SLC24A3: variants seen among roughly 807,000 people sequenced by gnomAD.
SLC24A3 encodes solute carrier family 24 member 3, also known as sodium/potassium/calcium exchanger 3.
A neutral mutation model predicts 75.8 loss-of-function variants in SLC24A3; 28 were observed. The observed-to-expected ratio is 0.37, with a 90% CI of 0.27 to 0.51. The LOEUF is 0.51. Among genes scored for constraint, SLC24A3 ranks in the 20% least tolerant of loss-of-function variants. The probability of loss-of-function intolerance (pLI) is 0.94; values close to 1 mark genes in which losing one functional copy is unlikely to be tolerated. For synonymous variants in SLC24A3, 372 were observed against 334.1 expected (o/e 1.11, Z -1.24); for missense variants, 663 against 847.8 (o/e 0.78, Z 2.71).
intron 2 of SLC24A3, among the ~76,000 whole-genome samples, chr20:19,422,754 C>G (rs1986938033): frequency 6.6e-6 from 1 of 152,178 alleles, no homozygotes; most frequent in Non-Finnish European, 1.5e-5. Context: ...AAGCAGGAAG[C>G]TTCTATTGCA....
At chr20:19,258,911 C>T (rs564239730) in intron 1 of SLC24A3, among the ~76,000 whole-genome samples, 1 of 152,162 alleles carries the variant, frequency 6.6e-6, no homozygotes, top group African/African-American at 2.4e-5. Flanking sequence ...GCATTCAGGC[C>T]CTATCTCCTT....
chr20:19,239,278 C>T (rs1227193469), intron 1 of SLC24A3, among the ~76,000 whole-genome samples: 1 of 152,136 alleles, frequency 6.6e-6, no homozygotes, highest in Non-Finnish European at 1.5e-5. Context: ...AGAAGCAGCC[C>T]CAGTACCCTC....
At chr20:19,432,274 A>ATATATATATATATATATAAGAT (rs1987117447) in intron 2 of SLC24A3, among the ~76,000 whole-genome samples, 1 of 39,992 alleles carries the variant, frequency 2.5e-5, no homozygotes, top group South Asian at 9.2e-4. Flanking sequence ...TATCTGTTTT[A>ATATATATATATATATATAAGAT]TATATATATA....
intron 1 of SLC24A3, among the ~76,000 whole-genome samples, chr20:19,262,261 C>T (rs1183884429): frequency 6.6e-5 from 10 of 151,482 alleles, no homozygotes; most frequent in East Asian, 1.9e-4. Context: ...AAAAATTAGC[C>T]GGGCGTGGTG....
chr20:19,685,003 G>A lies in SLC24A3; in HGVS notation c.1063-97G>A, dbSNP rs145210358. 7.6e-4 allele frequency: 1,110 copies of A among 1,451,764 alleles called. 14 individuals are homozygous for A. In the African/African-American group the frequency reaches 0.013, roughly 17 times the overall value. The allele number at this position is 1,451,764 out of a possible 1,614,324, so 89.9% of individuals were successfully genotyped here. A position where few individuals can be genotyped will look rare whatever the true frequency, so the allele number is the denominator to read the frequency against. ...CTCCAGGGTCTTCTGGAAGCATATC[G>A]TCAGCTGCCAGGGAAAGATCCCAAC... On this transcript the variant is annotated intron_variant, in intron 11 of 16. Transcript: ENST00000328041.
Position 19,370,204 on chromosome 20 carries a change from A to G in SLC24A3, c.271+89117A>G, listed in dbSNP as rs61357538. Among the ~76,000 whole-genome samples the G allele has an allele frequency of 6.9e-3, 1,045 of 152,334 alleles. 12 individuals are homozygous for G. Among genetic ancestry groups the G allele is most frequent in the African/African-American group, 0.023 (959 of 41,574 alleles). ...AGTGGCTACTTTGAAATTCCAGAGT[A>G]TCCCTGATCTAAGCATATTAATTGT... On this transcript the variant is annotated intron_variant, in intron 2 of 16. Transcript: ENST00000328041.
chr20:19,405,319 T>G (rs1202773037), intron 2 of SLC24A3, among the ~76,000 whole-genome samples: 8 of 152,168 alleles, frequency 5.3e-5, no homozygotes, highest in Non-Finnish European at 7.3e-5. Flanking sequence ...AGCAGCTCTT[T>G]GAGAAAACCA....
At chr20:19,325,840 G>GAGT (rs1568589959) in intron 2 of SLC24A3, among the ~76,000 whole-genome samples, 1 of 43,212 alleles carries the variant, frequency 2.3e-5, no homozygotes, top group Non-Finnish European at 4.0e-5. Flanking sequence ...AGAGAGAGAG[G>GAGT]GAGACATCTG....
rs544261444 is a variant in SLC24A3 at position 19,244,771 on chromosome 20, T to C, written c.142+31787T>C. Among the ~76,000 whole-genome samples the C allele has an allele frequency of 9.6e-4, 146 of 152,308 alleles. 1 individual carries two copies. Among genetic ancestry groups the C allele is most frequent in the South Asian group, 4.1e-3 (20 of 4,824 alleles). On this transcript the variant is annotated intron_variant, in intron 1 of 16. Coordinates refer to ENST00000328041, the MANE Select transcript of SLC24A3 (RefSeq NM_020689.4). ...AGACAAGATAACCTGAAAATCCTCCTGATCCAAAACAACAGGAAATGCTGG... is the reference window on the plus strand; with the variant it reads ...AGACAAGATAACCTGAAAATCCTCCCGATCCAAAACAACAGGAAATGCTGG...
chr20:19,692,118 A>G (rs1032097638), intron 12 of SLC24A3, among the ~76,000 whole-genome samples: 1 of 152,266 alleles, frequency 6.6e-6, no homozygotes, highest in Non-Finnish European at 1.5e-5. Context: ...AAAATTATAA[A>G]ATACATTTTA....
At chr20:19,658,334 C>T (rs533206176) in intron 7 of SLC24A3, among the ~76,000 whole-genome samples, 1 of 152,230 alleles carries the variant, frequency 6.6e-6, no homozygotes, top group South Asian at 2.1e-4. Flanking sequence ...TCAGCTGATG[C>T]GGGCGGGGCA....
intron 5 of SLC24A3, 31 bp from the exon 6 acceptor site, chr20:19,585,410 C>G (rs774905047): frequency 8.5e-5 from 137 of 1,606,144 alleles, no homozygotes; most frequent in Non-Finnish European, 1.1e-4. Flanking sequence ...AGGGCCACAA[C>G]AGCCAGGCTG....
At chr20:19,425,713 G>A (rs1013058209) in intron 2 of SLC24A3, among the ~76,000 whole-genome samples, 1 of 152,136 alleles carries the variant, frequency 6.6e-6, no homozygotes, top group Non-Finnish European at 1.5e-5. Flanking sequence ...AGCTTGACAT[G>A]CTTCTCTGAA....
chr20:19,383,547 C>T (rs16980472), intron 2 of SLC24A3, among the ~76,000 whole-genome samples: 1,977 of 152,254 alleles, frequency 0.013, 46 homozygotes, highest in African/African-American at 0.042. Flanking sequence ...TTCTGCCTGT[C>T]GTGCTTGACC....
At chr20:19,498,245 T>C (rs1359663355) in intron 2 of SLC24A3, among the ~76,000 whole-genome samples, 1 of 152,224 alleles carries the variant, frequency 6.6e-6, no homozygotes, top group African/African-American at 2.4e-5. Context: ...TATTTCATTA[T>C]ATATTACAAA....
At chr20:19,486,752 G>A (rs934523543) in intron 2 of SLC24A3, among the ~76,000 whole-genome samples, 2 of 152,242 alleles carry the variant, frequency 1.3e-5, no homozygotes, top group Admixed American at 6.5e-5. Context: ...AAGAAAAGAG[G>A]TGATGAGGTA....
At chr20:19,709,701 G>C (rs944696046) in intron 15 of SLC24A3, among the ~76,000 whole-genome samples, 1 of 152,134 alleles carries the variant, frequency 6.6e-6, no homozygotes, top group Non-Finnish European at 1.5e-5. Flanking sequence ...CTTTACCCTG[G>C]CTTTCTGCTG....
intron 6 of SLC24A3, among the ~76,000 whole-genome samples, chr20:19,624,702 A>T (rs926522073): frequency 1.3e-5 from 2 of 152,146 alleles, no homozygotes; most frequent in South Asian, 4.1e-4. Context: ...TTACAGGAAA[A>T]ATTATATAGT....
At chr20:19,695,993 G>T (rs2032799798) in intron 13 of SLC24A3, among the ~76,000 whole-genome samples, 1 of 148,134 alleles carries the variant, frequency 6.8e-6, no homozygotes, top group Admixed American at 6.8e-5. Context: ...GCTAGTTATG[G>T]CTTTCCCCTT....
Sources: gnomAD v4.1 joint callset for allele counts (sites outside exome capture counted in the v4.1 genomes callset) on GRCh38, gnomAD v4.1.1 for gene constraint, MANE v1.5 for transcripts, NCBI Gene and HGNC (gene_info 2026-07-23, HGNC 2026-07-21) for gene names.